Variants in NCOA1 observed in about 807,000 individuals in gnomAD.
NCOA1 encodes the protein Hin-2 protein.
A neutral mutation model predicts 150.9 loss-of-function variants in NCOA1; 35 were observed. The ratio of observed to expected loss-of-function variants is 0.23; its 90% confidence interval spans 0.18 to 0.31. NCOA1 has a LOEUF of 0.31. NCOA1 is among the 10% of genes least tolerant of loss of function. The pLI is 1.00. For synonymous variants in NCOA1, 590 were observed against 630.0 expected (o/e 0.94, Z 0.95); for missense variants, 1,491 against 1,749.3 (o/e 0.85, Z 2.63).
At chr2:24,527,207 T>C (rs1421385920) in intron 1 of NCOA1, among the ~76,000 whole-genome samples, 1 of 152,136 alleles carries the variant, frequency 6.6e-6, no homozygotes, top group Admixed American at 6.5e-5. Context: ...TGAGCAAAAA[T>C]CCTGAGTAAA....
chr2:24,651,569 G>A (rs972873848), intron 4 of NCOA1, among the ~76,000 whole-genome samples: 1 of 152,060 alleles, frequency 6.6e-6, no homozygotes, highest in African/African-American at 2.4e-5. Context: ...AACTATGGGA[G>A]ATGATGGATA....
intron 8 of NCOA1, among the ~76,000 whole-genome samples, chr2:24,687,344 C>G (rs910348161): frequency 2.6e-5 from 4 of 151,762 alleles, no homozygotes; most frequent in African/African-American, 9.7e-5. Context: ...AAGCTATAAA[C>G]AAAAATGTAA....
chr2:24,642,093 G>A (rs1186457531), intron 3 of NCOA1, among the ~76,000 whole-genome samples: 1 of 151,092 alleles, frequency 6.6e-6, no homozygotes, highest in African/African-American at 2.4e-5. Context: ...GTAGGGGTAT[G>A]TGTGGTTGTG....
At chr2:24,539,683 T>C (rs532333415) in intron 1 of NCOA1, among the ~76,000 whole-genome samples, 1 of 152,174 alleles carries the variant, frequency 6.6e-6, no homozygotes, top group East Asian at 1.9e-4. Context: ...ATAGAAGTAA[T>C]AGAAAAATTT....
At position 24,707,527 on chromosome 2, in the gene NCOA1, G is replaced by A. The variant is rs2148595981; in HGVS notation, c.2057G>A (p.Arg686Gln). 6.2e-7 allele frequency: 1 copy of A among 1,614,054 alleles called. No homozygotes were observed. The highest frequency in any genetic ancestry group is 8.5e-7 in the Non-Finnish European group (1 of 1,180,014). Residue 686 changes from arginine to glutamine, a missense_variant, in exon 13 of 23, where the codon CGG (arginine) becomes CAG (glutamine). Physicochemically the swap from Arg to Gln is conservative, Grantham distance 43 (BLOSUM62 1). Around this residue, in one of 8 missense-constraint regions of NCOA1, gnomAD observed 703 missense variants for 717.7 expected, o/e 0.98. Transcript: ENST00000348332. ...CPSSHSSLTERHKILHRLLQE... is the reference protein window; with the variant it reads ...CPSSHSSLTEQHKILHRLLQE... ...TCTTCTCATAGCTCATTGACAGAACGGCATAAAATTCTACACCGGCTCTTA... is the reference window on the plus strand; with the variant it reads ...TCTTCTCATAGCTCATTGACAGAACAGCATAAAATTCTACACCGGCTCTTA...
At chr2:24,733,594 G>C (rs769359110) in intron 17 of NCOA1, among the ~76,000 whole-genome samples, 2 of 151,728 alleles carry the variant, frequency 1.3e-5, no homozygotes, top group Non-Finnish European at 2.9e-5. Context: ...AAATACAAAA[G>C]TTAGCTGGGC....
At chr2:24,622,569 C>T (rs958799532) in intron 3 of NCOA1, among the ~76,000 whole-genome samples, 7 of 152,122 alleles carry the variant, frequency 4.6e-5, no homozygotes, top group Admixed American at 3.9e-4. Context: ...GAAGGATATA[C>T]CAATTTCTAT....
chr2:24,767,991 C>T (rs994134835), intron 22 of NCOA1: 23 of 1,332,298 alleles, frequency 1.7e-5, no homozygotes, highest in South Asian at 6.0e-5. Flanking sequence ...CTATAGGAGG[C>T]GTGACCATTC....
intron 14 of NCOA1, among the ~76,000 whole-genome samples, chr2:24,726,084 T>C (rs903594935): frequency 3.9e-5 from 6 of 152,200 alleles, no homozygotes; most frequent in Admixed American, 2.6e-4. Flanking sequence ...TCAGTTCTTA[T>C]ACTGTTATTG....
At chr2:24,729,280 A>G (rs1033059512) in intron 16 of NCOA1, among the ~76,000 whole-genome samples, 1 of 152,096 alleles carries the variant, frequency 6.6e-6, no homozygotes, top group East Asian at 1.9e-4. Context: ...TGGAGCCTTT[A>G]TTTTAACTAT....
In NCOA1 at chr2:24,758,115, T is replaced by C; in HGVS notation, c.4024T>C (p.Ser1342Pro). The change falls in exon 21 of 23, where the codon TCT (serine) becomes CCT (proline). Residue 1342 changes from serine (S) to proline (P), a missense_variant. This residue lies in a region of NCOA1 where 485 missense variants were observed against 522.8 expected (regional missense o/e 0.93). Transcript: ENST00000348332. ...NPMMAQMQMS[S>P]LQMPGMNTVC... is the part of the protein sequence containing the mutation. The stretch of plus-strand genomic sequence containing the variant: ...AATGATGGCCCAGATGCAGATGAGC[T>C]CTTTGCAGATGCCAGGAATGAACAC... 6.2e-7 allele frequency: 1 copy of C among 1,614,002 alleles called. No individual in the cohort carries two copies.
At chr2:24,512,754 A>G (rs62140845) in intron 1 of NCOA1, among the ~76,000 whole-genome samples, 22,579 of 152,154 alleles carry the variant, frequency 0.15, 2,030 homozygotes, top group Non-Finnish European at 0.2. Flanking sequence ...CTCTCTAACA[A>G]GAGTTTCTAA....
chr2:24,634,786 G>C (rs112478262), intron 3 of NCOA1, among the ~76,000 whole-genome samples: 1 of 138,044 alleles, frequency 7.2e-6, no homozygotes. Context: ...ATTATAGCTT[G>C]CAGCAGCCTT....
At chr2:24,690,737 G>A (rs147568594) in intron 8 of NCOA1, among the ~76,000 whole-genome samples, 1 of 149,802 alleles carries the variant, frequency 6.7e-6, no homozygotes, top group Non-Finnish European at 1.5e-5. Context: ...ATGACACTGT[G>A]ACTGGGAAAT....
At chr2:24,714,069 C>G (rs555620549) in intron 14 of NCOA1, among the ~76,000 whole-genome samples, 2 of 152,244 alleles carry the variant, frequency 1.3e-5, no homozygotes, top group African/African-American at 4.8e-5. Flanking sequence ...GGAAGATAAT[C>G]AAGTCCTGAC....
intron 1 of NCOA1, among the ~76,000 whole-genome samples, chr2:24,527,004 A>T (rs1029021027): frequency 2.0e-5 from 3 of 152,194 alleles, no homozygotes; most frequent in African/African-American, 7.2e-5. Context: ...TATGCAAACC[A>T]TTTTACATAA....
At position 24,638,180 on chromosome 2, in the gene NCOA1, C is replaced by CTTT. The variant is rs544369191; in HGVS notation, c.-174-5762_-174-5760dup. ...TCTACTTGTATTTCTATGAGATCAA[C>CTTT]TTTTTTTTTTTTTTTTTTTTTTTTT... On this transcript the variant is annotated intron_variant, in intron 3 of 22. Transcript: ENST00000348332. Among the ~76,000 whole-genome samples, 331 of 89,484 alleles carry CTTT rather than the reference C, an allele frequency of 3.7e-3. 14 individuals are homozygous for CTTT. The highest frequency in any genetic ancestry group is 6.6e-3 in the African/African-American group (178 of 26,842). The allele number at this position is 89,484 out of a possible 152,430, so 58.7% of individuals were successfully genotyped here.
chr2:24,768,200 C>T (rs1451554930), intron 22 of NCOA1, 21 bp from the exon 23 acceptor site: 1 of 1,611,850 alleles, frequency 6.2e-7, no homozygotes, highest in Non-Finnish European at 8.5e-7. Context: ...TGTCTAAACA[C>T]ATCTTTTATT....
chr2:24,765,985 C>T (rs1665045390), intron 22 of NCOA1, among the ~76,000 whole-genome samples: 1 of 151,190 alleles, frequency 6.6e-6, no homozygotes, highest in African/African-American at 2.4e-5. Flanking sequence ...ACTGCAACCT[C>T]CTCCTCCTGG....
Sources: allele counts gnomAD v4.1 joint callset (sites outside exome capture counted in the v4.1 genomes callset), GRCh38; gene constraint gnomAD v4.1.1; regional missense constraint gnomAD v4.1.1; transcripts MANE v1.5; gene names NCBI Gene and HGNC (gene_info 2026-07-23, HGNC 2026-07-21).